The following BRINP1 variants were observed in gnomAD, a reference collection of about 807,000 sequenced individuals.
BRINP1 encodes the protein BMP/retinoic acid inducible neural specific 1, also known as BMP/retinoic acid-inducible neural-specific protein 1.
In BRINP1, 17 loss-of-function variants were observed where a neutral mutation model predicts 72.9. That is an observed-to-expected ratio of 0.23 (90% CI 0.16 to 0.35). BRINP1 has a LOEUF of 0.35. Among genes scored for constraint, BRINP1 ranks in the 10% least tolerant of loss-of-function variants. The probability of loss-of-function intolerance (pLI) is 1.00; values close to 1 mark genes in which losing one functional copy is unlikely to be tolerated. For missense variants in BRINP1, 850 were observed against 1,001.6 expected (o/e 0.85, Z 2.04); for synonymous variants, 418 against 378.5 (o/e 1.10, Z -1.21).
rs1167422019 is a variant in BRINP1, at chr9:119,368,963, G to T, written c.-51+93C>A. 2.6e-6 allele frequency: 1 copy of T among 388,972 alleles called. No individual in the cohort carries two copies. The highest frequency in any genetic ancestry group is 4.5e-6 in the Non-Finnish European group (1 of 220,270). The allele number at this position is 388,972 out of a possible 1,614,324, so 24.1% of individuals were successfully genotyped here. On this transcript the variant is annotated intron_variant, in intron 1 of 7. Transcript: ENST00000265922. The surrounding 1 kb of genome is among the most constrained non-coding windows in gnomAD (Gnocchi z 4.7). ...GCGGACAAGGGTGCCGGTAGGGGGA[G>T]GGGCAGAGGAGCGCGGGGACGCCCC...
rs1025810210 is a variant in BRINP1 at position 119,300,332 on chromosome 9, A to G, written c.218+12806T>C. On this transcript the variant is annotated intron_variant, in intron 2 of 7. Transcript: ENST00000265922. ...TAACACAAAGTGACTATAGTAAAAA[A>G]TAATTTAATTGTACATGTAAAAATA... Among the ~76,000 whole-genome samples, 21 of 152,232 alleles carry G rather than the reference A, an allele frequency of 1.4e-4. 2 individuals carry two copies.
chr9:119,189,938 G>C (rs953348909), intron 7 of BRINP1, among the ~76,000 whole-genome samples: 4 of 151,868 alleles, frequency 2.6e-5, no homozygotes, highest in African/African-American at 9.7e-5. Context: ...ACAAGTTTTA[G>C]TAAATTCAAT....
At chr9:119,178,354 G>C (rs1387418534) in intron 7 of BRINP1, among the ~76,000 whole-genome samples, 1 of 152,128 alleles carries the variant, frequency 6.6e-6, no homozygotes, top group East Asian at 1.9e-4. Flanking sequence ...GATCCCCCAG[G>C]TCAACAAACT....
intron 2 of BRINP1, among the ~76,000 whole-genome samples, chr9:119,309,056 A>T (rs188764187): frequency 6.6e-6 from 1 of 152,312 alleles, no homozygotes; most frequent in East Asian, 1.9e-4. Flanking sequence ...TGAAATTACC[A>T]TGAGAATAAA....
chr9:119,284,856 C>T (rs1470963952), intron 2 of BRINP1, among the ~76,000 whole-genome samples: 2 of 152,136 alleles, frequency 1.3e-5, no homozygotes, highest in Non-Finnish European at 2.9e-5. Context: ...ACAAGGGAGC[C>T]GGCTCATGGA....
chr9:119,342,222 G>A (rs1831413088), intron 1 of BRINP1, among the ~76,000 whole-genome samples: 1 of 152,132 alleles, frequency 6.6e-6, no homozygotes, highest in Non-Finnish European at 1.5e-5. Context: ...CCTCTATGTA[G>A]TGTAAATAAT....
intron 2 of BRINP1, among the ~76,000 whole-genome samples, chr9:119,263,601 CTTTTTTTTT>C (rs386416080): frequency 1.3e-5 from 1 of 78,566 alleles, no homozygotes; most frequent in African/African-American, 5.3e-5. Flanking sequence ...GTAAACAATT[CTTTTTTTTT>C]TTTTTTTTTT....
intron 5 of BRINP1, among the ~76,000 whole-genome samples, chr9:119,222,849 T>A (rs1588169142): frequency 6.6e-6 from 1 of 151,964 alleles, no homozygotes; most frequent in Non-Finnish European, 1.5e-5. Flanking sequence ...TTCAATTTCA[T>A]AAAATTTCAA....
rs961779649 is a variant in BRINP1, at chr9:119,278,985, A to C, written c.219-29835T>G. Among the ~76,000 whole-genome samples the C allele has an allele frequency of 1.8e-4, 27 of 152,166 alleles. 1 individual carries two copies. Among genetic ancestry groups the C allele is most frequent in the Admixed American group, 4.6e-4 (7 of 15,278 alleles). ...ACATCCAAAATATCCCAAAAAAGAA[A>C]GCAGATATAATACTTTACTTCCATT... is the stretch of plus-strand genomic sequence containing the variant. On this transcript the variant is annotated intron_variant, in intron 2 of 7. Coordinates refer to ENST00000265922, the MANE Select transcript of BRINP1 (RefSeq NM_014618.3).
intron 7 of BRINP1, among the ~76,000 whole-genome samples, chr9:119,189,294 A>G (rs1386468221): frequency 1.3e-5 from 2 of 152,172 alleles, no homozygotes; most frequent in Non-Finnish European, 2.9e-5. Context: ...ACCAGGAAAC[A>G]ATTACCCAAT....
chr9:119,353,078 G>T (rs1831521687), intron 1 of BRINP1, among the ~76,000 whole-genome samples: 1 of 152,132 alleles, frequency 6.6e-6, no homozygotes, highest in Non-Finnish European at 1.5e-5. Flanking sequence ...TCTCCTCCTT[G>T]ACTTCATTTT....
intron 7 of BRINP1, among the ~76,000 whole-genome samples, chr9:119,191,710 C>T (rs1208339703): frequency 6.6e-6 from 1 of 151,714 alleles, no homozygotes; most frequent in Non-Finnish European, 1.5e-5. Flanking sequence ...AATGATTTAA[C>T]AATCCGTATA....
At chr9:119,291,081 C>T (rs926497902) in intron 2 of BRINP1, among the ~76,000 whole-genome samples, 1 of 150,896 alleles carries the variant, frequency 6.6e-6, no homozygotes, top group Non-Finnish European at 1.5e-5. Flanking sequence ...CGAGATCGCG[C>T]CACTGCACTC....
At chr9:119,353,989 C>T (rs1023948056) in intron 1 of BRINP1, among the ~76,000 whole-genome samples, 4 of 151,902 alleles carry the variant, frequency 2.6e-5, no homozygotes, top group Admixed American at 6.5e-5. Context: ...TCCCTTGACC[C>T]ACTAGGGAGA....
At chr9:119,298,565 C>A (rs1334125696) in intron 2 of BRINP1, among the ~76,000 whole-genome samples, 1 of 151,938 alleles carries the variant, frequency 6.6e-6, no homozygotes, top group Non-Finnish European at 1.5e-5. Flanking sequence ...TCAAACTGTG[C>A]CTTAACTCCA....
intron 7 of BRINP1, among the ~76,000 whole-genome samples, chr9:119,192,193 G>T (rs12349116): frequency 0.019 from 2,881 of 151,942 alleles, 97 homozygotes; most frequent in African/African-American, 0.066. Context: ...GTTGGCCTTA[G>T]CAATGAATTT....
At chr9:119,338,062 C>T (rs1353236082) in intron 1 of BRINP1, among the ~76,000 whole-genome samples, 1 of 152,098 alleles carries the variant, frequency 6.6e-6, no homozygotes. Flanking sequence ...AAGATACTGG[C>T]TTAAGTCAGC....
intron 5 of BRINP1, among the ~76,000 whole-genome samples, chr9:119,228,078 C>T (rs1258607579): frequency 2.6e-5 from 4 of 152,008 alleles, no homozygotes; most frequent in Non-Finnish European, 5.9e-5. Context: ...GGATTACCGA[C>T]ACTACTCTTC....
At chr9:119,209,758 C>A (rs2065447) in intron 6 of BRINP1, among the ~76,000 whole-genome samples, 91,655 of 151,994 alleles carry the variant, frequency 0.6, 27,931 homozygotes, top group Middle Eastern at 0.78. Context: ...GAAATGCAGG[C>A]AATTAGCAAG....
Sources: allele counts gnomAD v4.1 joint callset (sites outside exome capture counted in the v4.1 genomes callset), GRCh38; gene constraint gnomAD v4.1.1; non-coding constraint Gnocchi (gnomAD v3.1); transcripts MANE v1.5; gene names NCBI Gene and HGNC (gene_info 2026-07-23, HGNC 2026-07-21).